Variants in MYO3B observed in about 807,000 individuals in gnomAD.
MYO3B encodes the protein myosin IIIB, also known as myosin-IIIb.
MYO3B carries 156 observed loss-of-function variants against 174.6 expected under a neutral mutation model. The observed-to-expected ratio is 0.89, with a 90% CI of 0.78 to 1.02. The LOEUF (loss-of-function observed/expected upper bound fraction) is 1.02, where lower values mean the gene tolerates loss of function less well. Among genes scored for constraint, MYO3B ranks in the 50% least tolerant of loss-of-function variants. MYO3B has a pLI of 0.00. For missense variants in MYO3B, 1,632 were observed against 1,639.4 expected, an observed-to-expected ratio of 1.00 and a Z score of 0.08; for synonymous variants, 563 against 569.1, an observed-to-expected ratio of 0.99 and a Z score of 0.15.
chr2:170,539,273 C>T (rs1046504714), intron 30 of MYO3B, among the ~76,000 whole-genome samples: 2 of 152,212 alleles, frequency 1.3e-5, no homozygotes, highest in Non-Finnish European at 1.5e-5. Flanking sequence ...CAGCTTGTCC[C>T]TCTATGCCCT....
intron 7 of MYO3B, among the ~76,000 whole-genome samples, chr2:170,251,241 T>A (rs2093249946): frequency 6.6e-6 from 1 of 152,172 alleles, no homozygotes; most frequent in South Asian, 2.1e-4. Flanking sequence ...GGTTCTTTTT[T>A]TTCTTTATGT....
chr2:170,304,410 T>A (rs1297219621), intron 7 of MYO3B, among the ~76,000 whole-genome samples: 1 of 151,980 alleles, frequency 6.6e-6, no homozygotes, highest in Non-Finnish European at 1.5e-5. Context: ...CATGTACACT[T>A]CATCTAAGTG....
chr2:170,383,426 G>A (rs572208824), intron 11 of MYO3B, among the ~76,000 whole-genome samples: 7 of 152,254 alleles, frequency 4.6e-5, no homozygotes, highest in South Asian at 2.1e-4. Flanking sequence ...TAGACACTGG[G>A]TTATCTCACT....
At chr2:170,301,752 G>A (rs1559370912) in intron 7 of MYO3B, among the ~76,000 whole-genome samples, 2 of 152,116 alleles carry the variant, frequency 1.3e-5, no homozygotes, top group Admixed American at 6.5e-5. Flanking sequence ...GTCATGTGCA[G>A]GGTGGCAGTG....
intron 7 of MYO3B, among the ~76,000 whole-genome samples, chr2:170,249,746 TG>T (rs757230837): frequency 6.6e-6 from 1 of 152,214 alleles, no homozygotes; most frequent in Non-Finnish European, 1.5e-5. Flanking sequence ...AAGCTCCACT[TG>T]TGGGTTCAGT....
At chr2:170,473,139 C>CTTTTTTTTTTTTTTTTTTTTTTTTTTTT (rs66837903) in intron 25 of MYO3B, among the ~76,000 whole-genome samples, 5 of 96,440 alleles carry the variant, frequency 5.2e-5, no homozygotes, top group Admixed American at 1.2e-4. Context: ...TTTTTCTTTT[C>CTTTTTTTTTTTTTTTTTTTTTTTTTTTT]TTTTTTTTTT....
At chr2:170,282,408 G>A (rs1478936715) in intron 7 of MYO3B, among the ~76,000 whole-genome samples, 1 of 152,124 alleles carries the variant, frequency 6.6e-6, no homozygotes, top group Non-Finnish European at 1.5e-5. Context: ...ACATCAGTTG[G>A]CTGTAAATAT....
intron 22 of MYO3B, among the ~76,000 whole-genome samples, chr2:170,433,446 C>G (rs902885039): frequency 1.3e-5 from 2 of 152,148 alleles, no homozygotes; most frequent in Non-Finnish European, 2.9e-5. Flanking sequence ...TTCATTGGTT[C>G]CAGAAGTTCA....
chr2:170,214,670 A>C (rs1225953718), intron 4 of MYO3B, 59 bp from the exon 5 acceptor site: 2 of 1,493,466 alleles, frequency 1.3e-6, no homozygotes, highest in African/African-American at 2.8e-5. Context: ...CTTTAAAATA[A>C]GCATGTAAAT....
chr2:170,430,936 TAGAG>T (rs963602097), intron 22 of MYO3B, among the ~76,000 whole-genome samples: 5 of 152,008 alleles, frequency 3.3e-5, no homozygotes, highest in African/African-American at 1.2e-4. Flanking sequence ...GAAGTGGAAA[TAGAG>T]AGGTGAAAAG....
rs1188042110 is a variant in MYO3B, at chr2:170,206,663, T to A, written c.321+6379T>A. ...TTTATATCCAATTTTCACTGTCCAG[T>A]TCAAGGCTTAGTCATTTGGGTACGT... On this transcript the variant is annotated intron_variant, in intron 3 of 34. Coordinates refer to ENST00000408978, the MANE Select transcript of MYO3B (RefSeq NM_138995.5). The surrounding 1 kb of genome is among the most constrained non-coding windows in gnomAD (Gnocchi z 4.3). 1.6e-4 allele frequency among the ~76,000 whole-genome samples: 24 copies of A among 152,144 alleles called. No homozygotes were observed. Among genetic ancestry groups the A allele is most frequent in the Admixed American group, 1.6e-3 (24 of 15,278 alleles).
chr2:170,368,458 C>T (rs2094214638), intron 8 of MYO3B, among the ~76,000 whole-genome samples: 1 of 152,202 alleles, frequency 6.6e-6, no homozygotes, highest in African/African-American at 2.4e-5. Flanking sequence ...TCTTGAATAA[C>T]ACAGAAGGTG....
intron 23 of MYO3B, among the ~76,000 whole-genome samples, chr2:170,455,010 C>T (rs1170369654): frequency 6.6e-6 from 1 of 152,152 alleles, no homozygotes; most frequent in Non-Finnish European, 1.5e-5. Flanking sequence ...GTGGTGCTAG[C>T]TGTTCCATCG....
chr2:170,523,557 T>A, intron 30 of MYO3B, among the ~76,000 whole-genome samples: 1 of 152,262 alleles, frequency 6.6e-6, no homozygotes, highest in Non-Finnish European at 1.5e-5. Flanking sequence ...ATTCAACCCA[T>A]AGATTCAAGG....
At chr2:170,241,779 A>G (rs898740346) in intron 7 of MYO3B, among the ~76,000 whole-genome samples, 2 of 152,088 alleles carry the variant, frequency 1.3e-5, no homozygotes, top group Non-Finnish European at 2.9e-5. Context: ...ATCGACTCTC[A>G]TCCTGAAATA....
intron 25 of MYO3B, among the ~76,000 whole-genome samples, chr2:170,489,062 A>G (rs143902603): frequency 6.6e-6 from 1 of 152,332 alleles, no homozygotes; most frequent in East Asian, 1.9e-4. Flanking sequence ...CAGAGTGTCA[A>G]AGATACCAGG....
At chr2:170,483,418 G>A (rs1177650736) in intron 25 of MYO3B, among the ~76,000 whole-genome samples, 1 of 91,582 alleles carries the variant, frequency 1.1e-5, no homozygotes, top group Non-Finnish European at 1.7e-5. Flanking sequence ...ACGGAGTCTA[G>A]CTCTGTCGCC....
chr2:170,527,041 G>T (rs2106160504), intron 30 of MYO3B, among the ~76,000 whole-genome samples: 1 of 152,268 alleles, frequency 6.6e-6, no homozygotes, highest in South Asian at 2.1e-4. Flanking sequence ...CATCTGAATA[G>T]AATTCCCTTG....
intron 7 of MYO3B, among the ~76,000 whole-genome samples, chr2:170,256,122 G>C (rs2093302221): frequency 6.6e-6 from 1 of 152,294 alleles, no homozygotes; most frequent in East Asian, 1.9e-4. Context: ...CAAAGCCTTT[G>C]AGAAATAGAT....
Sources: allele counts gnomAD v4.1 joint callset (sites outside exome capture counted in the v4.1 genomes callset), GRCh38; gene constraint gnomAD v4.1.1; non-coding constraint Gnocchi (gnomAD v3.1); transcripts MANE v1.5; gene names NCBI Gene and HGNC (gene_info 2026-07-23, HGNC 2026-07-21).